TAFA1: variants seen among roughly 807,000 people sequenced by gnomAD.
The protein encoded by TAFA1 is TAFA chemokine like family member 1.
A neutral mutation model predicts 18.5 loss-of-function variants in TAFA1; 4 were observed. That is an observed-to-expected ratio of 0.22 (90% confidence interval 0.11 to 0.49). TAFA1 has a LOEUF of 0.49. TAFA1 is among the 20% of genes least tolerant of loss of function. The pLI is 0.98. For missense variants in TAFA1, 147 were observed against 169.0 expected, an observed-to-expected ratio of 0.87 and a Z score of 0.72; for synonymous variants, 56 against 55.2, an observed-to-expected ratio of 1.01 and a Z score of -0.06.
At chr3:68,455,786 T>G (rs748603152) in intron 3 of TAFA1, among the ~76,000 whole-genome samples, 1 of 152,206 alleles carries the variant, frequency 6.6e-6, no homozygotes, top group Non-Finnish European at 1.5e-5. Flanking sequence ...GTTCCAGGAT[T>G]GATAGCTTTC....
intron 2 of TAFA1, among the ~76,000 whole-genome samples, chr3:68,393,033 A>T (rs1049141505): frequency 6.6e-6 from 1 of 152,188 alleles, no homozygotes; most frequent in Non-Finnish European, 1.5e-5. Flanking sequence ...AGATAGAGAG[A>T]TGAAAAATCC....
chr3:68,034,034 G>A (rs555704783), intron 2 of TAFA1, among the ~76,000 whole-genome samples: 2 of 152,244 alleles, frequency 1.3e-5, no homozygotes, highest in South Asian at 2.1e-4. Flanking sequence ...TTGTGAAATC[G>A]CTCTTCACCT....
chr3:68,537,351 T>C (rs1170471264), intron 3 of TAFA1, among the ~76,000 whole-genome samples: 2 of 152,164 alleles, frequency 1.3e-5, no homozygotes, highest in Non-Finnish European at 2.9e-5. Flanking sequence ...TAATGGCATA[T>C]AAAAACTTAC....
At position 68,134,284 on chromosome 3, in the gene TAFA1, G is replaced by A. The variant is rs1031573557; in HGVS notation, c.118+127540G>A. ...ACAGTGAGTTCTGAAAGGAAAAGAG[G>A]TTAAATCAGGAGACCAACGCTCAAG... On this transcript the variant is annotated intron_variant, in intron 2 of 4. Transcript: ENST00000478136. 3.9e-5 allele frequency among the ~76,000 whole-genome samples: 6 copies of A among 152,034 alleles called. No individual in the cohort carries two copies. The East Asian group carries it at 1.2e-3, about 29-fold the overall frequency.
chr3:68,388,030 C>T (rs185544134), intron 2 of TAFA1, among the ~76,000 whole-genome samples: 13 of 152,210 alleles, frequency 8.5e-5, no homozygotes, highest in Admixed American at 7.9e-4. Flanking sequence ...AGCCTTAATT[C>T]CATAATAGGC....
At chr3:68,372,783 C>T (rs1027886373) in intron 2 of TAFA1, among the ~76,000 whole-genome samples, 2 of 151,784 alleles carry the variant, frequency 1.3e-5, no homozygotes, top group African/African-American at 4.8e-5. Flanking sequence ...ATACATTTAG[C>T]ACTAAGAAAA....
In TAFA1 at chr3:68,145,573, A is replaced by G. The variant is rs572390006; in HGVS notation, c.118+138829A>G. 4.7e-6 allele frequency: 7 copies of G among 1,487,984 alleles called. No homozygotes were observed. The East Asian group carries it at 1.1e-4, about 24-fold the overall frequency. 92.2% of individuals were successfully genotyped at this position (1,487,984 alleles called of 1,614,324 possible). A position where few individuals can be genotyped will look rare whatever the true frequency, so the allele number is the denominator to read the frequency against. ...TATCAGAGCCTGCTCCACTTCCCCC[A>G]ATACCCAATGAACAGCAGTTAGCCA... On this transcript the variant is annotated intron_variant, in intron 2 of 4. Coordinates refer to ENST00000478136, the MANE Select transcript of TAFA1 (RefSeq NM_213609.4).
intron 2 of TAFA1, among the ~76,000 whole-genome samples, chr3:68,387,044 T>C (rs2070119917): frequency 6.6e-6 from 1 of 151,882 alleles, no homozygotes; most frequent in Admixed American, 6.6e-5. Flanking sequence ...ATCCATACAC[T>C]CTGTGCCTAA....
intron 2 of TAFA1, among the ~76,000 whole-genome samples, chr3:68,317,426 T>G (rs956047097): frequency 2.6e-5 from 4 of 152,158 alleles, no homozygotes; most frequent in African/African-American, 7.2e-5. Flanking sequence ...AACTTTCATA[T>G]AGAACATTGC....
chr3:68,327,010 G>C (rs1435824635), intron 2 of TAFA1, among the ~76,000 whole-genome samples: 1 of 152,192 alleles, frequency 6.6e-6, no homozygotes, highest in African/African-American at 2.4e-5. Context: ...CCAGTGGGAA[G>C]TAATTAAATC....
intron 2 of TAFA1, among the ~76,000 whole-genome samples, chr3:68,331,849 T>G (rs376674983): frequency 6.4e-5 from 9 of 140,806 alleles, no homozygotes; most frequent in African/African-American, 2.3e-4. Context: ...GGATAGTCTT[T>G]TCTTTTCTTT....
intron 2 of TAFA1, among the ~76,000 whole-genome samples, chr3:68,099,077 A>C (rs1212722836): frequency 6.6e-6 from 1 of 152,186 alleles, no homozygotes; most frequent in African/African-American, 2.4e-5. Flanking sequence ...AGGAAATAGC[A>C]TTCTGGATAT....
chr3:68,018,185 A>T (rs911491064), intron 2 of TAFA1, among the ~76,000 whole-genome samples: 3 of 152,196 alleles, frequency 2.0e-5, no homozygotes, highest in Admixed American at 1.3e-4. Context: ...ATCAGTGTAC[A>T]TTGATGATCA....
At chr3:68,362,488 G>A (rs556449894) in intron 2 of TAFA1, among the ~76,000 whole-genome samples, 51 of 152,212 alleles carry the variant, frequency 3.4e-4, no homozygotes, top group African/African-American at 1.2e-3. Flanking sequence ...GTTGGGTTTG[G>A]TTTTATTGGT....
intron 3 of TAFA1, among the ~76,000 whole-genome samples, chr3:68,517,949 C>CT (rs1194077105): frequency 6.6e-6 from 1 of 151,010 alleles, no homozygotes. Context: ...CACACACACT[C>CT]ACACACACTC....
At position 68,333,752 on chromosome 3, in the gene TAFA1, A is replaced by T. The variant is rs574799731; in HGVS notation, c.119-83528A>T. Among the ~76,000 whole-genome samples the T allele has an allele frequency of 2.6e-5, 4 of 152,338 alleles. No homozygotes were observed. In the East Asian group the frequency reaches 7.7e-4, roughly 29 times the overall value. On this transcript the variant is annotated intron_variant, in intron 2 of 4. Coordinates refer to ENST00000478136, the MANE Select transcript of TAFA1 (RefSeq NM_213609.4). ...CATGTTCATTGCAGCATTATTCACA[A>T]TAGCCAAGATACAGAGTCACCACAA...
At chr3:68,363,465 A>G (rs1274088908) in intron 2 of TAFA1, among the ~76,000 whole-genome samples, 1 of 152,162 alleles carries the variant, frequency 6.6e-6, no homozygotes, top group South Asian at 2.1e-4. Flanking sequence ...ACCAATGTTC[A>G]AAGAGGCTGA....
intron 3 of TAFA1, among the ~76,000 whole-genome samples, chr3:68,434,774 G>A (rs938653683): frequency 6.6e-6 from 1 of 152,072 alleles, no homozygotes; most frequent in African/African-American, 2.4e-5. Flanking sequence ...TTAACACCAT[G>A]TGTCTAAAAC....
At chr3:68,404,811 A>C (rs1378615792) in intron 2 of TAFA1, among the ~76,000 whole-genome samples, 1 of 152,020 alleles carries the variant, frequency 6.6e-6, no homozygotes, top group African/African-American at 2.4e-5. Flanking sequence ...AGAAAAAAAA[A>C]AAAAAAGGAT....
Sources: gnomAD v4.1 joint callset for allele counts (sites outside exome capture counted in the v4.1 genomes callset) on GRCh38, gnomAD v4.1.1 for gene constraint, MANE v1.5 for transcripts, NCBI Gene and HGNC (gene_info 2026-07-23, HGNC 2026-07-21) for gene names.